The following SSBP3 variants were observed in gnomAD, a reference collection of about 807,000 sequenced individuals.
The protein encoded by SSBP3 is single stranded DNA binding protein 3.
Under a neutral mutation model 69.6 loss-of-function variants are expected in SSBP3, and 5 were observed. The ratio of observed to expected loss-of-function variants is 0.07; its 90% confidence interval spans 0.04 to 0.15. The LOEUF (loss-of-function observed/expected upper bound fraction) is 0.15. SSBP3 is among the 10% of genes least tolerant of loss of function. The probability of loss-of-function intolerance (pLI) is 1.00; values close to 1 mark genes in which losing one functional copy is unlikely to be tolerated. For missense variants in SSBP3, 312 were observed against 534.0 expected (o/e 0.58, Z 4.10); for synonymous variants, 196 against 193.4 (o/e 1.01, Z -0.11).
intron 5 of SSBP3, among the ~76,000 whole-genome samples, chr1:54,261,168 A>G (rs1033530249): frequency 5.9e-5 from 9 of 152,210 alleles, no homozygotes; most frequent in African/African-American, 2.2e-4. Context: ...AACCCCACAT[A>G]GCCTAGCAGT....
intron 6 of SSBP3, among the ~76,000 whole-genome samples, 198 bp downstream of exon 6, chr1:54,257,871 C>T (rs535684966): frequency 6.6e-5 from 10 of 152,320 alleles, no homozygotes; most frequent in Non-Finnish European, 1.2e-4. Flanking sequence ...CTTTTGGTTT[C>T]GTATCCAAGC....
intron 4 of SSBP3, among the ~76,000 whole-genome samples, chr1:54,313,477 G>C (rs1569762331): frequency 1.4e-5 from 2 of 145,760 alleles, no homozygotes; most frequent in East Asian, 4.0e-4. Context: ...TAAAGAGCTG[G>C]GGTCTCACTA....
chr1:54,311,939 C>T (rs563271247), intron 4 of SSBP3, among the ~76,000 whole-genome samples: 3 of 152,286 alleles, frequency 2.0e-5, no homozygotes, highest in South Asian at 4.1e-4. Context: ...TGGGGAGACT[C>T]TCAGATCCAT....
chr1:54,250,541 TG>T (rs5774179), intron 9 of SSBP3, among the ~76,000 whole-genome samples: 93,731 of 144,440 alleles, frequency 0.65, 30,912 homozygotes, highest in African/African-American at 0.79. Flanking sequence ...TGGGCGGGAA[TG>T]GGGGGGGGCA....
In SSBP3 at chr1:54,396,210, A is replaced by C. The variant is rs930229692; in HGVS notation, c.276+5651T>G. On this transcript the variant is annotated intron_variant, in intron 4 of 17. Coordinates refer to ENST00000610401, the Ensembl canonical transcript of SSBP3. ...CCATCTCAGAAAAAAAAAAAAAAAA[A>C]AAAAAAAAACAACCCCATTACCCCA... Among the ~76,000 whole-genome samples, 5 of 149,730 alleles carry C rather than the reference A, an allele frequency of 3.3e-5. 1 individual carries two copies. Among genetic ancestry groups the C allele is most frequent in the Non-Finnish European group, 4.4e-5 (3 of 67,492 alleles).
exon 1 of SSBP3, chr1:54,406,129 C>A: frequency 1.4e-6 from 1 of 706,146 alleles, no homozygotes; most frequent in South Asian, 3.0e-5. Context: ...CGCTCTCTCG[C>A]TCGCTGGCGC....
At chr1:54,388,147 C>G (rs1184946706) in intron 4 of SSBP3, among the ~76,000 whole-genome samples, 3 of 151,330 alleles carry the variant, frequency 2.0e-5, no homozygotes, top group African/African-American at 7.3e-5. Context: ...TTTTTTAAGA[C>G]ACACGTTTAC....
At chr1:54,256,413 A>G (rs1427082844) in intron 7 of SSBP3, among the ~76,000 whole-genome samples, 1 of 151,848 alleles carries the variant, frequency 6.6e-6, no homozygotes, top group African/African-American at 2.4e-5. Flanking sequence ...TACCTCTGCA[A>G]CTCCTCTCCT....
intron 10 of SSBP3, among the ~76,000 whole-genome samples, chr1:54,242,674 G>T (rs1644660668): frequency 6.6e-6 from 1 of 152,164 alleles, no homozygotes; most frequent in South Asian, 2.1e-4. Flanking sequence ...GTCAGGCCGG[G>T]CACGGTGGCT....
chr1:54,374,432 C>A (rs1322209473), intron 4 of SSBP3, among the ~76,000 whole-genome samples: 3 of 152,206 alleles, frequency 2.0e-5, no homozygotes, highest in Non-Finnish European at 4.4e-5. Flanking sequence ...TTTCTTGAGG[C>A]CCTGCTGGCC....
chr1:54,407,367 TG>T (rs1258020858), upstream of SSBP3, among the ~76,000 whole-genome samples: 3 of 146,114 alleles, frequency 2.1e-5, no homozygotes, highest in Admixed American at 2.1e-4. Context: ...GGAGCTAAAT[TG>T]GGGAGTGAGG....
At chr1:54,228,073 G>C (rs1412699747) in intron 17 of SSBP3, among the ~76,000 whole-genome samples, 182 bp downstream of exon 17, 1 of 152,220 alleles carries the variant, frequency 6.6e-6, no homozygotes, top group Non-Finnish European at 1.5e-5. Context: ...CCCACCAGCA[G>C]GCAGTCTCAG....
chr1:54,227,762 A>G (rs558683647), intron 17 of SSBP3, among the ~76,000 whole-genome samples: 1 of 152,266 alleles, frequency 6.6e-6, no homozygotes, highest in East Asian at 1.9e-4. Context: ...ATTTTTATGT[A>G]GAGATGAGGT....
At chr1:54,394,675 TCACTGTCTCCTTAAGACTCC>T (rs538692170) in intron 4 of SSBP3, among the ~76,000 whole-genome samples, 22 of 146,916 alleles carry the variant, frequency 1.5e-4, no homozygotes, top group South Asian at 1.4e-3. Flanking sequence ...CTTCTCAAGC[TCACTGTCTCCTTAAGACTCC>T]TTTTTTTTTT....
chr1:54,296,625 G>A (rs182962297), intron 4 of SSBP3, among the ~76,000 whole-genome samples: 1 of 152,348 alleles, frequency 6.6e-6, no homozygotes, highest in Non-Finnish European at 1.5e-5. Flanking sequence ...CCTTGGCTGT[G>A]TCATCTAGAA....
At chr1:54,241,073 A>G in intron 12 of SSBP3, 114 bp from the exon 13 acceptor site, 1 of 1,154,270 alleles carries the variant, frequency 8.7e-7, no homozygotes. Flanking sequence ...CCCAGCCGCT[A>G]TTCATCTTGC....
intron 4 of SSBP3, among the ~76,000 whole-genome samples, chr1:54,384,401 T>C (rs970861107): frequency 3.3e-5 from 5 of 152,220 alleles, no homozygotes. Context: ...AGAGGGGCCC[T>C]GGGAGGTGGG....
At chr1:54,349,323 G>A (rs1277959332) in intron 4 of SSBP3, among the ~76,000 whole-genome samples, 8 of 152,226 alleles carry the variant, frequency 5.3e-5, no homozygotes. Flanking sequence ...AGCACCTACA[G>A]CGGTGCCTGG....
At chr1:54,231,806 T>C (rs947552489) in intron 14 of SSBP3, among the ~76,000 whole-genome samples, 65 of 152,216 alleles carry the variant, frequency 4.3e-4, no homozygotes, top group African/African-American at 1.4e-3. Context: ...GCGATTCTCA[T>C]GCGTCAGCCT....
Sources: allele counts gnomAD v4.1 joint callset (sites outside exome capture counted in the v4.1 genomes callset), GRCh38; gene constraint gnomAD v4.1.1; transcripts MANE v1.5; gene names NCBI Gene and HGNC (gene_info 2026-07-23, HGNC 2026-07-21).